CACNA1D: variants seen among roughly 807,000 people sequenced by gnomAD.
CACNA1D encodes voltage-dependent L-type calcium channel subunit alpha-1D.
Under a neutral mutation model 257.1 loss-of-function variants are expected in CACNA1D, and 55 were observed. That is an observed-to-expected ratio of 0.21 (90% CI 0.17 to 0.27). The LOEUF is 0.27. Ranked by LOEUF, CACNA1D falls within the 10% of genes least tolerant of loss-of-function variation. The pLI is 1.00. For synonymous variants in CACNA1D, 980 were observed against 1,014.9 expected (o/e 0.97, Z 0.65); for missense variants, 1,876 against 2,784.0 (o/e 0.67, Z 7.34).
intron 29 of CACNA1D, among the ~76,000 whole-genome samples, chr3:53,760,295 C>T (rs1168506492): frequency 2.6e-5 from 4 of 152,238 alleles, no homozygotes; most frequent in Non-Finnish European, 5.9e-5. Context: ...AGTACGTCCA[C>T]ATCTTCTATA....
chr3:53,777,890 G>A (rs1259457559), intron 37 of CACNA1D, among the ~76,000 whole-genome samples: 6 of 152,154 alleles, frequency 3.9e-5, no homozygotes, highest in East Asian at 1.9e-4. Flanking sequence ...CAAGGAAAAC[G>A]CAAGGTTTGC....
intron 27 of CACNA1D, among the ~76,000 whole-genome samples, chr3:53,750,844 C>T (rs894788905): frequency 3.3e-5 from 5 of 152,172 alleles, no homozygotes; most frequent in Admixed American, 2.6e-4. Flanking sequence ...GGTCTAGGCT[C>T]TCAATGCTGA....
At chr3:53,757,040 A>G (rs2095269835) in intron 29 of CACNA1D, among the ~76,000 whole-genome samples, 1 of 152,198 alleles carries the variant, frequency 6.6e-6, no homozygotes, top group African/African-American at 2.4e-5. Flanking sequence ...TGGGGAAAGA[A>G]GAAAGTGTTT....
rs546235875 is a variant in CACNA1D, at chr3:53,615,995, C to T, written c.484-34784C>T. On this transcript the variant is annotated intron_variant, in intron 3 of 47. Transcript: ENST00000350061. ...TCCAGTATGACTTGATGTGTGACATCAGGTAAATCCTTTCCTCTCTGTGGA... is the reference window on the plus strand; with the variant it reads ...TCCAGTATGACTTGATGTGTGACATTAGGTAAATCCTTTCCTCTCTGTGGA... 5.9e-5 allele frequency among the ~76,000 whole-genome samples: 9 copies of T among 152,304 alleles called. No homozygotes were observed. The South Asian group carries it at 8.3e-4, about 14-fold the overall frequency.
At chr3:53,737,297 GA>G (rs1212087439) in intron 20 of CACNA1D, among the ~76,000 whole-genome samples, 6 of 152,222 alleles carry the variant, frequency 3.9e-5, no homozygotes, top group South Asian at 4.1e-4. Flanking sequence ...TATTTTGGGG[GA>G]AAAAATGTAC....
At chr3:53,659,916 C>A (rs539622707) in intron 4 of CACNA1D, among the ~76,000 whole-genome samples, 46 of 152,264 alleles carry the variant, frequency 3.0e-4, no homozygotes, top group Non-Finnish European at 5.6e-4. Flanking sequence ...TGCTCCATTG[C>A]GGTAAAAACA....
At chr3:53,701,605 G>T (rs951671616) in intron 8 of CACNA1D, among the ~76,000 whole-genome samples, 1 of 152,222 alleles carries the variant, frequency 6.6e-6, no homozygotes, top group South Asian at 2.1e-4. Flanking sequence ...AGGTCTGTGT[G>T]CAGAAACTGC....
intron 3 of CACNA1D, among the ~76,000 whole-genome samples, chr3:53,556,583 G>A (rs932014797): frequency 6.6e-6 from 1 of 151,774 alleles, no homozygotes; most frequent in South Asian, 2.1e-4. Context: ...CTGTCTTTTG[G>A]GTTTCTTTTT....
chr3:53,622,963 C>T (rs2093714264), intron 3 of CACNA1D, among the ~76,000 whole-genome samples: 2 of 151,760 alleles, frequency 1.3e-5, no homozygotes, highest in Non-Finnish European at 1.5e-5. Context: ...GATCTCCGCT[C>T]ACTGCAAGCT....
intron 19 of CACNA1D, among the ~76,000 whole-genome samples, chr3:53,733,954 A>G (rs3082685): frequency 0.22 from 10,005 of 44,650 alleles, 1,245 homozygotes; most frequent in African/African-American, 0.43. Context: ...GTGTGTGTGT[A>G]TGTATGTATG....
At chr3:53,686,502 T>A (rs528313487) in intron 8 of CACNA1D, among the ~76,000 whole-genome samples, 1 of 152,158 alleles carries the variant, frequency 6.6e-6, no homozygotes, top group East Asian at 1.9e-4. Context: ...CCAAGTGGGA[T>A]TTATGCCAGA....
At chr3:53,791,010 G>C in intron 40 of CACNA1D, 1 of 702,272 alleles carries the variant, frequency 1.4e-6, no homozygotes, top group Non-Finnish European at 2.6e-6. Context: ...AGAATTTTCT[G>C]CCTGAGCTAC....
At chr3:53,507,264 C>T (rs1027987295) in intron 3 of CACNA1D, among the ~76,000 whole-genome samples, 2 of 152,026 alleles carry the variant, frequency 1.3e-5, no homozygotes, top group African/African-American at 4.8e-5. Flanking sequence ...TTGACAAAGG[C>T]TTTACTTGAT....
chr3:53,776,163 T>G, intron 35 of CACNA1D, 118 bp downstream of exon 35: 1 of 936,280 alleles, frequency 1.1e-6, no homozygotes, highest in Non-Finnish European at 1.7e-6. Flanking sequence ...GGATGAGCAC[T>G]CTGGACTCCA....
intron 45 of CACNA1D, among the ~76,000 whole-genome samples, chr3:53,806,198 C>T (rs2095565219): frequency 7.1e-6 from 1 of 140,654 alleles, no homozygotes; most frequent in Admixed American, 7.0e-5. Context: ...CCTCCTCCCT[C>T]CTCCCTCATC....
At position 53,673,724 on chromosome 3, in the gene CACNA1D, G is replaced by T; in HGVS notation, c.1220+598G>T. On this transcript the variant is annotated intron_variant, in intron 8 of 47. Transcript: ENST00000350061. This position sits in a 1 kb window ranked among gnomAD's most constrained non-coding sequence, Gnocchi z 4.1. ...CTTACATTTTACAGGTAAATGATGC[G>T]ATAGGATGGGAATGGCCATGGGTGT... The T allele has an allele frequency of 6.2e-7, 1 of 1,611,342 alleles. No homozygotes were observed. Among genetic ancestry groups the T allele is most frequent in the Non-Finnish European group, 8.5e-7 (1 of 1,177,506 alleles).
At position 53,507,159 on chromosome 3, in the gene CACNA1D, A is replaced by G. The variant is rs191082889; in HGVS notation, c.483+5439A>G. The stretch of plus-strand genomic sequence containing the variant: ...CAGAGTAGATGGACTCGTGTAGTAA[A>G]ACTTTACCCAAAGTTGGTTTCCTAA... On this transcript the variant is annotated intron_variant, in intron 3 of 47. Coordinates refer to ENST00000350061, the MANE Select transcript of CACNA1D (RefSeq NM_001128840.3). Among the ~76,000 whole-genome samples the G allele has an allele frequency of 1.7e-4, 26 of 152,166 alleles. No homozygotes were observed. In the South Asian group the frequency reaches 2.3e-3, roughly 13 times the overall value.
chr3:53,508,273 A>G (rs545953519), intron 3 of CACNA1D, among the ~76,000 whole-genome samples: 9 of 152,266 alleles, frequency 5.9e-5, no homozygotes, highest in Non-Finnish European at 8.8e-5. Context: ...TAAGCCCTGC[A>G]TGCATTAGCT....
chr3:53,677,760 A>G (rs1462580062), intron 8 of CACNA1D, among the ~76,000 whole-genome samples: 1 of 152,202 alleles, frequency 6.6e-6, no homozygotes, highest in Non-Finnish European at 1.5e-5. Flanking sequence ...AATTGAGGGG[A>G]ACGGCATTTC....
Sources: gnomAD v4.1 joint callset for allele counts (sites outside exome capture counted in the v4.1 genomes callset) on GRCh38, gnomAD v4.1.1 for gene constraint, Gnocchi (gnomAD v3.1) non-coding constraint, MANE v1.5 for transcripts, NCBI Gene and HGNC (gene_info 2026-07-23, HGNC 2026-07-21) for gene names.